The following PRSS38 variants were observed in gnomAD, a reference collection of about 807,000 sequenced individuals.
The protein encoded by PRSS38 is serine protease 38.
A neutral mutation model predicts 26.8 loss-of-function variants in PRSS38; 22 were observed. The ratio of observed to expected loss-of-function variants is 0.82; its 90% CI spans 0.59 to 1.17. The LOEUF is 1.17. Among genes scored for constraint, PRSS38 ranks in the 50% most tolerant of loss-of-function variants. PRSS38 has a pLI of 0.00. For synonymous variants in PRSS38, 175 were observed against 172.1 expected (o/e 1.02, Z -0.13); for missense variants, 427 against 422.7 (o/e 1.01, Z -0.09).
intron 3 of PRSS38, among the ~76,000 whole-genome samples, chr1:227,839,733 A>G (rs1665289779): frequency 6.6e-6 from 1 of 152,048 alleles, no homozygotes; most frequent in South Asian, 2.1e-4. Flanking sequence ...TTGAGGTAAC[A>G]CTTCCTAAAT....
chr1:227,817,167 C>A, intron 2 of PRSS38, 42 bp from the exon 3 acceptor site: 1 of 1,589,356 alleles, frequency 6.3e-7, no homozygotes, highest in Non-Finnish European at 8.6e-7. Context: ...GCTGACCACA[C>A]AGGAAGCTGC....
At chr1:227,846,232 T>G in exon 5 of PRSS38, 1 of 1,601,486 alleles carries the variant, frequency 6.2e-7, no homozygotes, top group Admixed American at 1.7e-5. Context: ...ACTCTAGGAT[T>G]CTCATGGCTG....
Position 227,840,361 on chromosome 1 carries a change from G to A in PRSS38, c.584-5109G>A, listed in dbSNP as rs146329499. On this transcript the variant is annotated intron_variant, in intron 3 of 4. Coordinates refer to ENST00000366757, the Ensembl canonical transcript of PRSS38. ...TGGTCTCGAACTCCTGGGCTCAAGCGATCCTCCTGCCTCAGTCTCCCAAAA... is the reference window on the plus strand; with the variant it reads ...TGGTCTCGAACTCCTGGGCTCAAGCAATCCTCCTGCCTCAGTCTCCCAAAA... 2.0e-4 allele frequency among the ~76,000 whole-genome samples: 30 copies of A among 152,196 alleles called. No homozygotes were observed. The East Asian group carries it at 5.4e-3, about 27-fold the overall frequency.
intron 3 of PRSS38, among the ~76,000 whole-genome samples, chr1:227,839,749 C>T (rs934055880): frequency 1.3e-5 from 2 of 152,070 alleles, no homozygotes; most frequent in African/African-American, 4.8e-5. Context: ...TAAATGTCAT[C>T]GCCGCCTTTT....
intron 3 of PRSS38, among the ~76,000 whole-genome samples, chr1:227,822,202 CTAATAG>C (rs1665013242): frequency 6.6e-6 from 1 of 152,016 alleles, no homozygotes. Flanking sequence ...TTTCTGTTTA[CTAATAG>C]TATCTTTTTG....
At chr1:227,820,082 T>A (rs1435932242) in intron 3 of PRSS38, among the ~76,000 whole-genome samples, 1 of 83,954 alleles carries the variant, frequency 1.2e-5, no homozygotes. Flanking sequence ...AGAGTGAAAC[T>A]CCATCTCAAA....
At chr1:227,833,294 G>A (rs567831802) in intron 3 of PRSS38, among the ~76,000 whole-genome samples, 3 of 152,292 alleles carry the variant, frequency 2.0e-5, no homozygotes, top group Admixed American at 2.0e-4. Flanking sequence ...TTGGGAGGCC[G>A]AGGTGGGCAG....
At chr1:227,818,740 C>A (rs988984203) in intron 3 of PRSS38, among the ~76,000 whole-genome samples, 1 of 143,474 alleles carries the variant, frequency 7.0e-6, no homozygotes, top group African/African-American at 2.6e-5. Flanking sequence ...TTTTTCTTAG[C>A]TGATTTTATC....
intron 3 of PRSS38, 99 bp from the exon 4 acceptor site, chr1:227,845,371 T>C (rs1454801628): frequency 7.6e-6 from 6 of 794,308 alleles, no homozygotes. Context: ...GTGGGGCTCC[T>C]CTCCATGGGC....
rs114255690 is a variant in PRSS38, at chr1:227,840,711, C to T, written c.584-4759C>T. 9.2e-3 allele frequency among the ~76,000 whole-genome samples: 1,407 copies of T among 152,308 alleles called. 19 individuals carry two copies. The highest frequency in any genetic ancestry group is 0.032 in the African/African-American group (1,350 of 41,572). On this transcript the variant is annotated intron_variant, in intron 3 of 4. Transcript: ENST00000366757. ...TCCTCTACAGTTGTTTGAAAATTGG[C>T]ATCTTCTCTTTCGAGTTTCTCTCTT...
intron 3 of PRSS38, among the ~76,000 whole-genome samples, chr1:227,843,642 C>T (rs1665371240): frequency 6.6e-6 from 1 of 152,076 alleles, no homozygotes; most frequent in Non-Finnish European, 1.5e-5. Flanking sequence ...GCAGAGGTTG[C>T]AGTGAGCCAA....
intron 3 of PRSS38, among the ~76,000 whole-genome samples, chr1:227,836,030 G>A (rs915246511): frequency 2.0e-5 from 3 of 152,116 alleles, no homozygotes; most frequent in Non-Finnish European, 4.4e-5. Context: ...TTAAGGCCAG[G>A]AGTTTGAGAA....
chr1:227,839,008 G>GCCA (rs1665277655), intron 3 of PRSS38, among the ~76,000 whole-genome samples: 1 of 152,150 alleles, frequency 6.6e-6, no homozygotes, highest in Non-Finnish European at 1.5e-5. Context: ...TTAATGCCAA[G>GCCA]GAATAAGTGT....
At chr1:227,815,939 C>A in intron 1 of PRSS38, 75 bp downstream of exon 1, 2 of 1,523,132 alleles carry the variant, frequency 1.3e-6, no homozygotes, top group Non-Finnish European at 1.8e-6. Flanking sequence ...TGGGCCTCCT[C>A]CCCCATGTCG....
intron 3 of PRSS38, among the ~76,000 whole-genome samples, chr1:227,835,317 G>T (rs80055872): frequency 2.6e-5 from 4 of 152,082 alleles, no homozygotes; most frequent in African/African-American, 9.7e-5. Context: ...CTTTAATCCC[G>T]GCACTTCGGG....
chr1:227,824,569 C>T (rs1401443116), intron 3 of PRSS38, among the ~76,000 whole-genome samples: 1 of 152,040 alleles, frequency 6.6e-6, no homozygotes, highest in African/African-American at 2.4e-5. Context: ...ATTTATATTA[C>T]TTTGGGAATA....
In PRSS38 at chr1:227,816,227, C is replaced by A; in HGVS notation, c.286C>A (p.Leu96Met). 1 of 1,613,234 alleles carries A rather than the reference C, an allele frequency of 6.2e-7. No homozygotes were observed. The highest frequency in any genetic ancestry group is 1.3e-5 in the African/African-American group (1 of 75,022). Residue 96 changes from leucine (L) to methionine (M), a missense_variant, in exon 2 of 5, where the codon CTG becomes ATG. Coordinates refer to ENST00000366757, the Ensembl canonical transcript of PRSS38. This position sits in a 1 kb window ranked among gnomAD's most constrained non-coding sequence, Gnocchi z 5.1. ...CTCCATCCTCAATGAGTACTGGGTG[C>A]TGTCAGCTGCGCACTGCTTTCACAG...
At chr1:227,820,856 TC>T (rs1664993186) in intron 3 of PRSS38, among the ~76,000 whole-genome samples, 1 of 152,224 alleles carries the variant, frequency 6.6e-6, no homozygotes, top group Non-Finnish European at 1.5e-5. Context: ...CCTGTACTTT[TC>T]TTTGTTGGGA....
Position 227,816,190 on chromosome 1 carries a change from C to T in PRSS38, c.249C>T (p.His83=), listed in dbSNP as rs148564281. 4.2e-5 allele frequency: 67 copies of T among 1,613,564 alleles called. No individual in the cohort carries two copies. The highest frequency in any genetic ancestry group is 3.7e-4 in the African/African-American group (28 of 74,908). The change falls in exon 2 of 5, where the codon CAC becomes CAT. Residue 83 remains histidine (H), a synonymous_variant. Transcript: ENST00000366757. The surrounding 1 kb of genome is among the most constrained non-coding windows in gnomAD (Gnocchi z 5.1). ...TCAGCGTGCACTACGCAGGCCTCCA[C>T]GTCTGCGGCGGCTCCATCCTCAATG...
Sources: gnomAD v4.1 joint callset for allele counts (sites outside exome capture counted in the v4.1 genomes callset) on GRCh38, gnomAD v4.1.1 for gene constraint, Gnocchi (gnomAD v3.1) non-coding constraint, MANE v1.5 for transcripts, NCBI Gene and HGNC (gene_info 2026-07-23, HGNC 2026-07-21) for gene names.